ANO4: variants seen among roughly 807,000 people sequenced by gnomAD.
ANO4 encodes anoctamin-4.
In ANO4, 69 loss-of-function variants were observed where a neutral mutation model predicts 141.9. The ratio of observed to expected loss-of-function variants is 0.49; its 90% CI spans 0.40 to 0.59. The LOEUF is 0.59. Among genes scored for constraint, ANO4 ranks in the 20% least tolerant of loss-of-function variants. ANO4 has a pLI of 0.00. For missense variants in ANO4, 894 were observed against 1,162.2 expected, an observed-to-expected ratio of 0.77 and a Z score of 3.36; for synonymous variants, 350 against 394.3, an observed-to-expected ratio of 0.89 and a Z score of 1.33.
At chr12:100,773,109 G>T (rs2135556861) in intron 3 of ANO4, among the ~76,000 whole-genome samples, 1 of 152,256 alleles carries the variant, frequency 6.6e-6, no homozygotes, top group South Asian at 2.1e-4. Context: ...CATGATCAAG[G>T]TACCAGCAGA....
intron 1 of ANO4, among the ~76,000 whole-genome samples, chr12:100,894,444 T>C (rs1373089643): frequency 1.3e-5 from 2 of 152,014 alleles, no homozygotes; most frequent in African/African-American, 4.8e-5. Flanking sequence ...GCACCTACTT[T>C]CAGTTACCCA....
chr12:100,903,239 A>G (rs887287646), intron 2 of ANO4, among the ~76,000 whole-genome samples: 7 of 152,160 alleles, frequency 4.6e-5, no homozygotes, highest in Admixed American at 2.0e-4. Context: ...CAAGGTGGAC[A>G]ACCCACTTGT....
At chr12:100,881,030 G>A (rs1480004197) in intron 1 of ANO4, among the ~76,000 whole-genome samples, 4 of 151,762 alleles carry the variant, frequency 2.6e-5, no homozygotes, top group Non-Finnish European at 4.4e-5. Flanking sequence ...TGCGGTGTTT[G>A]GTTTTTTGTC....
chr12:100,800,828 G>A (rs1036563857), intron 1 of ANO4, among the ~76,000 whole-genome samples: 4 of 152,272 alleles, frequency 2.6e-5, no homozygotes, highest in African/African-American at 7.2e-5. Context: ...GTCTGGTTCC[G>A]AAGTTCCATG....
intron 9 of ANO4, among the ~76,000 whole-genome samples, chr12:101,034,049 A>C (rs1475031540): frequency 1.3e-5 from 2 of 152,212 alleles, no homozygotes; most frequent in African/African-American, 4.8e-5. Flanking sequence ...GGGAGTGTAA[A>C]TTACCCCAGC....
intron 1 of ANO4, among the ~76,000 whole-genome samples, chr12:100,856,721 G>T (rs546058463): frequency 1.3e-5 from 2 of 152,234 alleles, no homozygotes; most frequent in East Asian, 1.9e-4. Flanking sequence ...CTGAGCAAAG[G>T]CACGGGGTAG....
chr12:100,835,039 A>G (rs1380017307), intron 1 of ANO4, among the ~76,000 whole-genome samples: 2 of 152,160 alleles, frequency 1.3e-5, no homozygotes, highest in Admixed American at 1.3e-4. Flanking sequence ...CACATGAACA[A>G]GATGTGGCCT....
intron 8 of ANO4, among the ~76,000 whole-genome samples, chr12:101,017,633 CAA>C (rs1363010441): frequency 6.6e-6 from 1 of 152,156 alleles, no homozygotes; most frequent in East Asian, 1.9e-4. Context: ...GGCAAGCGAG[CAA>C]ACAGAGTCAC....
intron 1 of ANO4, among the ~76,000 whole-genome samples, chr12:100,832,491 C>T (rs955841019): frequency 2.0e-5 from 3 of 152,032 alleles, no homozygotes; most frequent in Admixed American, 1.3e-4. Flanking sequence ...CACCTAGAAC[C>T]GATGACTTTT....
At chr12:100,974,405 G>A (rs115015680) in intron 6 of ANO4, among the ~76,000 whole-genome samples, 4,362 of 151,874 alleles carry the variant, frequency 0.029, 213 homozygotes, top group African/African-American at 0.1. Flanking sequence ...CATGAGAGAC[G>A]TGTCTTGTGT....
intron 1 of ANO4, among the ~76,000 whole-genome samples, chr12:100,863,408 C>G (rs1246707602): frequency 6.6e-6 from 1 of 152,132 alleles, no homozygotes; most frequent in Admixed American, 6.6e-5. Flanking sequence ...CAATACTCAG[C>G]TCAAGTGTTA....
At chr12:100,792,277 A>G (rs1242035545), upstream of ANO4, among the ~76,000 whole-genome samples, 2 of 152,176 alleles carry the variant, frequency 1.3e-5, no homozygotes, top group Non-Finnish European at 2.9e-5. Flanking sequence ...TTCTTTTTAA[A>G]TAAGTGGCAG....
intron 26 of ANO4, among the ~76,000 whole-genome samples, chr12:101,122,221 C>T (rs1003177147): frequency 9.2e-5 from 14 of 152,162 alleles, no homozygotes; most frequent in African/African-American, 3.4e-4. Context: ...CCTTTGACCA[C>T]TTTTTAATGG....
At chr12:100,722,745 T>G (rs1473382567) in intron 1 of ANO4, among the ~76,000 whole-genome samples, 1 of 152,210 alleles carries the variant, frequency 6.6e-6, no homozygotes, top group Non-Finnish European at 1.5e-5. Context: ...GACCAGTACT[T>G]GGGTGTGTGA....
At chr12:100,815,346 A>T (rs1466378585) in intron 1 of ANO4, among the ~76,000 whole-genome samples, 1 of 152,274 alleles carries the variant, frequency 6.6e-6, no homozygotes, top group East Asian at 1.9e-4. Context: ...ATTGACTTTG[A>T]CAAGTCCTGG....
intron 1 of ANO4, among the ~76,000 whole-genome samples, chr12:100,865,143 A>G (rs371805668): frequency 2.6e-5 from 4 of 152,184 alleles, no homozygotes; most frequent in African/African-American, 7.2e-5. Context: ...TTAGGTACAT[A>G]CCCAGTAATG....
chr12:100,909,919 A>G (rs146101795), intron 2 of ANO4, among the ~76,000 whole-genome samples: 1 of 152,196 alleles, frequency 6.6e-6, no homozygotes, highest in South Asian at 2.1e-4. Flanking sequence ...AATGTTCCCA[A>G]TTAAATTTAA....
chr12:100,864,059 C>T (rs1355165504), intron 1 of ANO4, among the ~76,000 whole-genome samples: 1 of 152,152 alleles, frequency 6.6e-6, no homozygotes, highest in Admixed American at 6.6e-5. Flanking sequence ...CTACAGCAGG[C>T]TGTCTACTTT....
chr12:100,983,066 G>A (rs559079612), intron 7 of ANO4, among the ~76,000 whole-genome samples: 2 of 152,318 alleles, frequency 1.3e-5, no homozygotes, highest in South Asian at 4.1e-4. Context: ...TTGCATGATT[G>A]AAGGGGGCCC....
Sources: gnomAD v4.1 joint callset for allele counts (sites outside exome capture counted in the v4.1 genomes callset) on GRCh38, gnomAD v4.1.1 for gene constraint, MANE v1.5 for transcripts, NCBI Gene and HGNC (gene_info 2026-07-23, HGNC 2026-07-21) for gene names.